Variants in NRCAM observed in about 807,000 individuals in gnomAD.
The protein encoded by NRCAM is NgCAM-related cell adhesion molecule.
A neutral mutation model predicts 156.5 loss-of-function variants in NRCAM; 83 were observed. That is an observed-to-expected ratio of 0.53 (90% CI 0.44 to 0.64). The LOEUF (loss-of-function observed/expected upper bound fraction) is 0.64, where lower values mean the gene tolerates loss of function less well. Ranked by LOEUF, NRCAM falls within the 30% of genes least tolerant of loss-of-function variation. NRCAM has a pLI of 0.00. For missense variants in NRCAM, 1,417 were observed against 1,597.3 expected, an observed-to-expected ratio of 0.89 and a Z score of 1.92; for synonymous variants, 538 against 563.9, an observed-to-expected ratio of 0.95 and a Z score of 0.65.
chr7:108,383,153 C>CACACACACACACACACACACACAA (rs10669547), intron 2 of NRCAM, among the ~76,000 whole-genome samples: 2 of 151,494 alleles, frequency 1.3e-5, no homozygotes, highest in East Asian at 3.9e-4. Flanking sequence ...CACACACACA[C>CACACACACACACACACACACACAA]ACCCCTTGGT....
chr7:108,194,494 G>A (rs2073833328), intron 15 of NRCAM, 66 bp from the exon 16 acceptor site: 1 of 1,157,074 alleles, frequency 8.6e-7, no homozygotes, highest in Non-Finnish European at 1.2e-6. Context: ...GACATAAAAT[G>A]CCATGTTCAA....
intron 3 of NRCAM, among the ~76,000 whole-genome samples, chr7:108,296,829 G>C (rs1179996613): frequency 6.6e-6 from 1 of 152,060 alleles, no homozygotes; most frequent in Non-Finnish European, 1.5e-5. Flanking sequence ...AAATCTCTAA[G>C]AAACAAATAA....
At chr7:108,369,551 G>A (rs1196726983) in intron 2 of NRCAM, among the ~76,000 whole-genome samples, 2 of 152,052 alleles carry the variant, frequency 1.3e-5, no homozygotes, top group African/African-American at 2.4e-5. Flanking sequence ...TTGTTCCCAA[G>A]TAGTTTTTTA....
intron 2 of NRCAM, among the ~76,000 whole-genome samples, chr7:108,338,628 AGGG>A: frequency 1.1e-5 from 1 of 87,366 alleles, no homozygotes; most frequent in African/African-American, 3.1e-5. Context: ...AGACACAGAG[AGGG>A]GAGAGACACA....
At chr7:108,317,017 T>C (rs2098934624) in intron 2 of NRCAM, among the ~76,000 whole-genome samples, 1 of 152,202 alleles carries the variant, frequency 6.6e-6, no homozygotes, top group Non-Finnish European at 1.5e-5. Context: ...AAATGTGTCT[T>C]TTCCACGCCT....
Position 108,223,756 on chromosome 7 carries a change from C to G in NRCAM, c.859G>C (p.Val287Leu). ...TCTGCAATGCACTCCAGTGAAAGCACATTTCCTCTTAATTCCTCTTTGTTA... is the reference window on the plus strand; with the variant it reads ...TCTGCAATGCACTCCAGTGAAAGCAGATTTCCTCTTAATTCCTCTTTGTTA... ...ASNKEELRGN[V>L]LSLECIAEGL... Residue 287 changes from valine to leucine, a missense_variant, in exon 11 of 33, where the codon GTG (valine) becomes CTG (leucine). Around this residue, in one of 2 missense-constraint regions of NRCAM, gnomAD observed 1,238 missense variants for 1,336.4 expected, o/e 0.93. Transcript: ENST00000379028. The G allele has an allele frequency of 6.2e-7, 1 of 1,605,014 alleles. No homozygotes were observed. The highest frequency in any genetic ancestry group is 2.2e-5 in the East Asian group (1 of 44,758).
intron 2 of NRCAM, among the ~76,000 whole-genome samples, chr7:108,392,636 A>T (rs1260641453): frequency 1.3e-5 from 2 of 152,176 alleles, no homozygotes; most frequent in Non-Finnish European, 2.9e-5. Flanking sequence ...CCTTTGGAGA[A>T]GATGTGCTCT....
intron 24 of NRCAM, 64 bp downstream of exon 24, chr7:108,181,758 A>G (rs960842529): frequency 9.1e-7 from 1 of 1,098,860 alleles, no homozygotes. Flanking sequence ...TGTGGTATGC[A>G]TGACAAGTGG....
chr7:108,199,171 T>C (rs909730314), intron 13 of NRCAM, among the ~76,000 whole-genome samples: 1 of 152,190 alleles, frequency 6.6e-6, no homozygotes, highest in African/African-American at 2.4e-5. Context: ...TTCTTTTTCC[T>C]TGGTGAAAGG....
chr7:108,432,911 G>A (rs79040549), intron 1 of NRCAM, among the ~76,000 whole-genome samples: 1 of 141,432 alleles, frequency 7.1e-6, no homozygotes, highest in African/African-American at 2.5e-5. Flanking sequence ...GAGAGAGAGA[G>A]AAAGAGAAAG....
intron 2 of NRCAM, among the ~76,000 whole-genome samples, chr7:108,367,740 A>C (rs1458869290): frequency 1.3e-5 from 2 of 152,198 alleles, no homozygotes; most frequent in South Asian, 4.1e-4. Flanking sequence ...TTGTAAGTGA[A>C]AATTTTTTTG....
At chr7:108,170,106 T>C (rs1305733567) in intron 28 of NRCAM, among the ~76,000 whole-genome samples, 1 of 152,068 alleles carries the variant, frequency 6.6e-6, no homozygotes, top group Non-Finnish European at 1.5e-5. Context: ...TGCAGCATTA[T>C]TCACAATAGT....
chr7:108,407,645 G>C (rs777979214), intron 1 of NRCAM, among the ~76,000 whole-genome samples: 1 of 152,170 alleles, frequency 6.6e-6, no homozygotes, highest in South Asian at 2.1e-4. Flanking sequence ...GATTGGAAGG[G>C]AAGAACAGCT....
chr7:108,367,063 T>C (rs1281619297), intron 2 of NRCAM, among the ~76,000 whole-genome samples: 1 of 152,200 alleles, frequency 6.6e-6, no homozygotes, highest in East Asian at 1.9e-4. Flanking sequence ...ATTTACTCAA[T>C]TCTTTGGCAG....
In NRCAM at chr7:108,180,301, T is replaced by C. The variant is rs2062759103; in HGVS notation, c.2773A>G (p.Thr925Ala). ...CCATTGACCACTCGGACATTCAGTG[T>C]GTAGTGGCTAAAGGGCTCTAGCCCC... ...LPGLEPFSHYTLNVRVVNGKG... is the reference protein window; with the variant it reads ...LPGLEPFSHYALNVRVVNGKG... Residue 925 changes from threonine to alanine, a missense_variant, in exon 25 of 33, where the codon ACA (threonine) becomes GCA (alanine). This residue lies in a region of NRCAM where 1,238 missense variants were observed against 1,336.4 expected (regional missense o/e 0.93). Coordinates refer to ENST00000379028, the MANE Select transcript of NRCAM (RefSeq NM_001037132.4). 1 of 1,614,232 alleles carries C rather than the reference T, an allele frequency of 6.2e-7. No homozygotes were observed. Among genetic ancestry groups the C allele is most frequent in the Non-Finnish European group, 8.5e-7 (1 of 1,180,036 alleles).
intron 2 of NRCAM, among the ~76,000 whole-genome samples, chr7:108,359,279 A>T (rs2099531881): frequency 6.6e-6 from 1 of 152,226 alleles, no homozygotes; most frequent in South Asian, 2.1e-4. Context: ...AGATGTTCAT[A>T]AACAGTGCTT....
chr7:108,188,858 C>T (rs1563338838), intron 20 of NRCAM, among the ~76,000 whole-genome samples: 1 of 49,450 alleles, frequency 2.0e-5, no homozygotes, highest in Non-Finnish European at 5.4e-5. Flanking sequence ...AATCAACACA[C>T]CTATCATTTC....
At chr7:108,359,063 T>C (rs2099529839) in intron 2 of NRCAM, among the ~76,000 whole-genome samples, 1 of 152,350 alleles carries the variant, frequency 6.6e-6, no homozygotes, top group Non-Finnish European at 1.5e-5. Context: ...ATCCTAGCCT[T>C]ACAAGTAGGA....
At chr7:108,444,392 G>A (rs960291208) in intron 1 of NRCAM, among the ~76,000 whole-genome samples, 2 of 151,460 alleles carry the variant, frequency 1.3e-5, no homozygotes, top group African/African-American at 2.4e-5. Context: ...GTAAGAAATA[G>A]GTTTAGAAAC....
Sources: gnomAD v4.1 joint callset for allele counts (sites outside exome capture counted in the v4.1 genomes callset) on GRCh38, gnomAD v4.1.1 for gene constraint, gnomAD v4.1.1 regional missense constraint, MANE v1.5 for transcripts, NCBI Gene and HGNC (gene_info 2026-07-23, HGNC 2026-07-21) for gene names.